Variants in IFT57 observed in about 807,000 individuals in gnomAD.
The protein encoded by IFT57 is intraflagellar transport 57.
Under a neutral mutation model 56.8 loss-of-function variants are expected in IFT57, and 59 were observed. That is an observed-to-expected ratio of 1.04 (90% CI 0.84 to 1.29). The LOEUF (loss-of-function observed/expected upper bound fraction) is 1.29. Ranked by LOEUF, IFT57 falls within the 50% of genes most tolerant of loss-of-function variation. The probability of loss-of-function intolerance (pLI) is 0.00; values close to 1 mark genes in which losing one functional copy is unlikely to be tolerated. For missense variants in IFT57, 470 were observed against 522.1 expected (o/e 0.90, Z 0.97); for synonymous variants, 209 against 186.1 (o/e 1.12, Z -1.00).
In IFT57 at chr3:108,191,596, T is replaced by A. The variant is rs780363078; in HGVS notation, c.702A>T (p.Thr234=). 3.1e-6 allele frequency: 5 copies of A among 1,609,330 alleles called. No homozygotes were observed. Among genetic ancestry groups the A allele is most frequent in the South Asian group, 1.1e-5 (1 of 90,696 alleles). The change falls in exon 6 of 11, where the codon ACA becomes ACT. Residue 234 remains threonine, a synonymous_variant. Transcript: ENST00000264538. ...CTTCTAGGCTCCATTCTGCAGCATC[T>A]GTTGTGGATTCCAAAATATCTTCTT... The part of the protein sequence containing the change: ...AKQEDILEST[T]DAAEWSLEVE...
At chr3:108,213,370 A>C (rs2080353658) in intron 4 of IFT57, among the ~76,000 whole-genome samples, 1 of 152,120 alleles carries the variant, frequency 6.6e-6, no homozygotes, top group Admixed American at 6.5e-5. Context: ...ATCTAATTCT[A>C]GTTCTGAGAA....
intron 5 of IFT57, among the ~76,000 whole-genome samples, chr3:108,193,397 G>A (rs778249596): frequency 3.3e-5 from 5 of 151,918 alleles, no homozygotes; most frequent in Non-Finnish European, 5.9e-5. Context: ...CAGATTCAAG[G>A]GACTATATAT....
At position 108,166,879 on chromosome 3, in the gene IFT57, C is replaced by T. The variant is rs761991093; in HGVS notation, c.956G>A (p.Arg319His). ...CTCACTCAGCTGGGCTTGAGCTGCA[C>T]GATATTCTTGAACCAAATTCTCAAG... ...NQLENLVQEY[R>H]AAQAQLSEAK... is the part of the protein sequence containing the mutation. Residue 319 changes from arginine to histidine, a missense_variant, in exon 8 of 11, where the codon CGT becomes CAT. Coordinates refer to ENST00000264538, the MANE Select transcript of IFT57 (RefSeq NM_018010.4). 9 of 1,611,000 alleles carry T rather than the reference C, an allele frequency of 5.6e-6. No homozygotes were observed. Among genetic ancestry groups the T allele is most frequent in the Non-Finnish European group, 6.8e-6 (8 of 1,178,380 alleles).
intron 6 of IFT57, among the ~76,000 whole-genome samples, chr3:108,179,362 C>A (rs1282401141): frequency 1.3e-5 from 2 of 151,766 alleles, no homozygotes; most frequent in African/African-American, 4.8e-5. Flanking sequence ...GTAAAAGGGG[C>A]AAGGAAAATA....
chr3:108,205,377 T>C (rs1057471118), intron 5 of IFT57, among the ~76,000 whole-genome samples: 1 of 151,976 alleles, frequency 6.6e-6, no homozygotes, highest in East Asian at 1.9e-4. Flanking sequence ...TCCTAGTAAG[T>C]ATTAGAGTAA....
intron 5 of IFT57, among the ~76,000 whole-genome samples, chr3:108,194,951 A>G (rs2080235703): frequency 3.9e-5 from 6 of 152,194 alleles, no homozygotes; most frequent in Admixed American, 3.9e-4. Flanking sequence ...CAGATAGACA[A>G]AGCAAAAATG....
chr3:108,216,651 C>T (rs1042430205), intron 3 of IFT57, among the ~76,000 whole-genome samples: 1 of 152,180 alleles, frequency 6.6e-6, no homozygotes, highest in African/African-American at 2.4e-5. Flanking sequence ...GAAATGTAAT[C>T]GGTATGTTAG....
chr3:108,163,684 C>T lies in IFT57; in HGVS notation c.1090G>A (p.Gly364Ser), dbSNP rs765362199. 6.2e-7 allele frequency: 1 copy of T among 1,611,284 alleles called. No homozygotes were observed. The highest frequency in any genetic ancestry group is 2.2e-5 in the East Asian group (1 of 44,710). The change falls in exon 10 of 11, where the codon GGC (glycine) becomes AGC (serine). Residue 364 changes from glycine (G) to serine (S), a missense_variant. By Grantham distance (56) the Gly-to-Ser change is moderately conservative. Transcript: ENST00000264538. ...EKVKQEMEEKGSSMTDGAPLV... is the reference protein window; with the variant it reads ...EKVKQEMEEKSSSMTDGAPLV... ...TTACCACCATCAGTCATGCTGCTGCCCTTTTCTTCCATTTCTTGTTTTACC... is the reference window on the plus strand; with the variant it reads ...TTACCACCATCAGTCATGCTGCTGCTCTTTTCTTCCATTTCTTGTTTTACC...
chr3:108,192,931 T>C (rs1427591670), intron 5 of IFT57, among the ~76,000 whole-genome samples: 1 of 152,000 alleles, frequency 6.6e-6, no homozygotes, highest in Non-Finnish European at 1.5e-5. Context: ...TAAAATACTA[T>C]GAGGCAAAGA....
intron 4 of IFT57, among the ~76,000 whole-genome samples, chr3:108,210,634 AC>A (rs1175964333): frequency 6.6e-6 from 1 of 151,964 alleles, no homozygotes; most frequent in East Asian, 1.9e-4. Flanking sequence ...CACCTGGCCA[AC>A]CTTTACCATC....
chr3:108,201,694 C>T (rs1380352342), intron 5 of IFT57, among the ~76,000 whole-genome samples: 1 of 152,076 alleles, frequency 6.6e-6, no homozygotes, highest in Non-Finnish European at 1.5e-5. Flanking sequence ...GTACATAGAA[C>T]AGTTTTTTCT....
At chr3:108,218,454 T>C in intron 3 of IFT57, 81 bp downstream of exon 3, 3 of 552,974 alleles carry the variant, frequency 5.4e-6, no homozygotes, top group Non-Finnish European at 9.6e-6. Context: ...AATTCTTTTA[T>C]GTTCAATTGA....
At chr3:108,165,400 T>C (rs766390980) in intron 9 of IFT57, 31 bp downstream of exon 9, 14 of 1,586,776 alleles carry the variant, frequency 8.8e-6, no homozygotes, top group Admixed American at 1.7e-5. Context: ...AGCTGACAGG[T>C]GAGAAGCAGG....
At chr3:108,200,629 A>T (rs2080273394) in intron 5 of IFT57, among the ~76,000 whole-genome samples, 1 of 152,198 alleles carries the variant, frequency 6.6e-6, no homozygotes, top group South Asian at 2.1e-4. Context: ...GCTCTCAAAT[A>T]ATACCTAAAA....
At chr3:108,179,188 C>T (rs1182000852) in intron 6 of IFT57, among the ~76,000 whole-genome samples, 1 of 151,788 alleles carries the variant, frequency 6.6e-6, no homozygotes, top group Admixed American at 6.6e-5. Context: ...CAGGGAGAGA[C>T]TCAGTTATTA....
intron 4 of IFT57, among the ~76,000 whole-genome samples, chr3:108,211,035 C>T (rs554759499): frequency 6.6e-6 from 1 of 152,210 alleles, no homozygotes; most frequent in East Asian, 1.9e-4. Context: ...AACGATGTGC[C>T]GATAGTTTGA....
At chr3:108,171,684 T>A (rs1291717890) in intron 6 of IFT57, among the ~76,000 whole-genome samples, 1 of 151,842 alleles carries the variant, frequency 6.6e-6, no homozygotes, top group Non-Finnish European at 1.5e-5. Flanking sequence ...TGGCTGGCCT[T>A]CTGCACCTGG....
intron 3 of IFT57, among the ~76,000 whole-genome samples, chr3:108,217,227 C>T (rs1450126849): frequency 6.6e-6 from 1 of 151,798 alleles, no homozygotes; most frequent in Non-Finnish European, 1.5e-5. Context: ...CAGTTATGTG[C>T]CAATTAAAAC....
At chr3:108,167,071 T>C (rs2080067348) in intron 7 of IFT57, 86 bp from the exon 8 acceptor site, 1 of 1,211,314 alleles carries the variant, frequency 8.3e-7, no homozygotes, top group Non-Finnish European at 1.2e-6. Flanking sequence ...TCTCAATCCA[T>C]TCTACAAATA....
Sources: allele counts gnomAD v4.1 joint callset (sites outside exome capture counted in the v4.1 genomes callset), GRCh38; gene constraint gnomAD v4.1.1; transcripts MANE v1.5; gene names NCBI Gene and HGNC (gene_info 2026-07-23, HGNC 2026-07-21).